Variants in CALN1 observed in about 807,000 individuals in gnomAD.
The protein encoded by CALN1 is calcium-binding protein 8.
CALN1 carries 17 observed loss-of-function variants against 30.6 expected under a neutral mutation model. The observed-to-expected ratio is 0.56, with a 90% confidence interval of 0.38 to 0.83. The LOEUF (loss-of-function observed/expected upper bound fraction) is 0.83. Ranked by LOEUF, CALN1 falls within the 40% of genes least tolerant of loss-of-function variation. The pLI is 0.00. For synonymous variants in CALN1, 156 were observed against 131.4 expected, an observed-to-expected ratio of 1.19 and a Z score of -1.28; for missense variants, 291 against 354.9, an observed-to-expected ratio of 0.82 and a Z score of 1.45.
upstream of CALN1, among the ~76,000 whole-genome samples, chr7:72,451,210 A>G (rs899135172): frequency 9.4e-6 from 1 of 106,310 alleles, no homozygotes; most frequent in Non-Finnish European, 1.7e-5. Flanking sequence ...AAGAAGAAGA[A>G]GGAGGAGGAG....
At chr7:72,097,630 G>A (rs112680793) in intron 4 of CALN1, among the ~76,000 whole-genome samples, 4 of 135,668 alleles carry the variant, frequency 2.9e-5, no homozygotes, top group African/African-American at 8.1e-5. Flanking sequence ...AACAAAGTGA[G>A]ACCCCCTATG....
At chr7:72,400,126 C>T (rs971845455) in intron 2 of CALN1, among the ~76,000 whole-genome samples, 1 of 152,048 alleles carries the variant, frequency 6.6e-6, no homozygotes, top group African/African-American at 2.4e-5. Flanking sequence ...TCCTTTATAG[C>T]AGCACAAAAC....
chr7:72,188,507 T>C (rs940020319), intron 3 of CALN1, among the ~76,000 whole-genome samples: 12 of 151,568 alleles, frequency 7.9e-5, no homozygotes, highest in African/African-American at 2.2e-4. Flanking sequence ...GCTATGAGGA[T>C]TGAAAGGCAT....
At chr7:72,378,292 T>C (rs925938601) in intron 2 of CALN1, among the ~76,000 whole-genome samples, 16 of 152,204 alleles carry the variant, frequency 1.1e-4, no homozygotes, top group African/African-American at 3.9e-4. Flanking sequence ...ATTTCAAGGC[T>C]ATCACTTATC....
At chr7:72,314,151 G>A (rs1374151716) in intron 2 of CALN1, among the ~76,000 whole-genome samples, 1 of 152,148 alleles carries the variant, frequency 6.6e-6, no homozygotes, top group African/African-American at 2.4e-5. Context: ...GGGGGAGCCA[G>A]TCTATGCACA....
the CALN1 span, among the ~76,000 whole-genome samples, chr7:72,503,209 A>C: frequency 6.6e-6 from 1 of 152,138 alleles, no homozygotes; most frequent in Non-Finnish European, 1.5e-5. Context: ...CTGCGTGTCA[A>C]ATGGGGGCAG....
chr7:72,136,057 C>T (rs1429584116), intron 3 of CALN1, among the ~76,000 whole-genome samples: 1 of 151,850 alleles, frequency 6.6e-6, no homozygotes, highest in African/African-American at 2.4e-5. Flanking sequence ...TTGCTTGAAT[C>T]CAGGAGGGCA....
rs1352582110 is a variant in CALN1 at position 72,403,058 on chromosome 7, T to A, written c.119+193A>T. Reference sequence around the variant, plus strand: ...CCCATCCCTTCATCCCATCCACACATCTCAAATAGGCTCAAGAAAGGGGAT... The same window carrying A: ...CCCATCCCTTCATCCCATCCACACAACTCAAATAGGCTCAAGAAAGGGGAT... On this transcript the variant is annotated intron_variant, in intron 2 of 6. Coordinates refer to ENST00000395275, the MANE Select transcript of CALN1 (RefSeq NM_031468.4). 5.3e-5 allele frequency among the ~76,000 whole-genome samples: 8 copies of A among 152,052 alleles called. No homozygotes were observed. The East Asian group carries it at 1.5e-3, about 29-fold the overall frequency.
chr7:72,034,766 C>T (rs1051456499), intron 4 of CALN1, among the ~76,000 whole-genome samples: 17 of 120,436 alleles, frequency 1.4e-4, no homozygotes, highest in Non-Finnish European at 2.4e-4. Context: ...TCAGCCTGGG[C>T]GACAGAATGA....
chr7:72,430,167 A>G (rs1585720353), intron 1 of CALN1, among the ~76,000 whole-genome samples: 2 of 149,280 alleles, frequency 1.3e-5, no homozygotes, highest in South Asian at 4.2e-4. Flanking sequence ...AGATTTATAT[A>G]TAATCGTATA....
At chr7:72,112,029 G>T (rs1379510464) in intron 3 of CALN1, among the ~76,000 whole-genome samples, 2 of 152,042 alleles carry the variant, frequency 1.3e-5, no homozygotes, top group East Asian at 1.9e-4. Context: ...AGGATAACAG[G>T]CATGAGCCAC....
At chr7:72,136,339 C>A (rs1189587154) in intron 3 of CALN1, among the ~76,000 whole-genome samples, 1 of 152,138 alleles carries the variant, frequency 6.6e-6, no homozygotes, top group Admixed American at 6.5e-5. Flanking sequence ...CCTCATGAAC[C>A]AACCTTTGCT....
intron 4 of CALN1, among the ~76,000 whole-genome samples, chr7:72,084,389 T>C (rs1297572356): frequency 7.0e-6 from 1 of 142,150 alleles, no homozygotes; most frequent in African/African-American, 2.9e-5. Flanking sequence ...TAGTAAAATT[T>C]TTTTTTTTTT....
chr7:71,983,963 CAG>C (rs1798535287), intron 5 of CALN1, among the ~76,000 whole-genome samples: 1 of 151,782 alleles, frequency 6.6e-6, no homozygotes. Context: ...TCGAAAAAAA[CAG>C]AGGAGATGAT....
intron 6 of CALN1, 43 bp downstream of exon 6, chr7:71,810,293 G>C (rs373695020): frequency 6.3e-6 from 10 of 1,597,830 alleles, no homozygotes; most frequent in Non-Finnish European, 8.5e-6. Context: ...TGGTGCATTG[G>C]CCTGTCCCGG....
intron 5 of CALN1, among the ~76,000 whole-genome samples, chr7:71,853,738 C>T (rs1790781147): frequency 6.6e-6 from 1 of 152,100 alleles, no homozygotes; most frequent in African/African-American, 2.4e-5. Context: ...TGCCACCACA[C>T]CTGGCTAATT....
intron 2 of CALN1, among the ~76,000 whole-genome samples, chr7:72,330,722 G>C (rs1412484574): frequency 2.0e-5 from 3 of 152,158 alleles, no homozygotes; most frequent in Non-Finnish European, 2.9e-5. Context: ...TGGTGCATGA[G>C]ATAAAGTAAC....
chr7:72,022,427 C>A (rs1474226452), intron 5 of CALN1, among the ~76,000 whole-genome samples: 1 of 152,222 alleles, frequency 6.6e-6, no homozygotes, highest in Non-Finnish European at 1.5e-5. Flanking sequence ...GGGTCTTGCT[C>A]TGTTGCCCAT....
intron 5 of CALN1, among the ~76,000 whole-genome samples, chr7:71,985,218 A>C (rs941329949): frequency 6.6e-6 from 1 of 152,224 alleles, no homozygotes; most frequent in African/African-American, 2.4e-5. Context: ...AAAGCAGAGC[A>C]AATCAAAACG....
Sources: gnomAD v4.1 joint callset for allele counts (sites outside exome capture counted in the v4.1 genomes callset) on GRCh38, gnomAD v4.1.1 for gene constraint, MANE v1.5 for transcripts, NCBI Gene and HGNC (gene_info 2026-07-23, HGNC 2026-07-21) for gene names.